FANCA: variants seen among roughly 807,000 people sequenced by gnomAD.
FANCA encodes FA complementation group A, also known as Fanconi anemia group A protein.
A neutral mutation model predicts 194.3 loss-of-function variants in FANCA; 236 were observed. The observed-to-expected ratio is 1.21, with a 90% CI of 1.09 to 1.35. FANCA has a LOEUF of 1.35. FANCA is among the 40% of genes most tolerant of loss of function. The probability of loss-of-function intolerance (pLI) is 0.00; values close to 1 mark genes in which losing one functional copy is unlikely to be tolerated. For missense variants in FANCA, 2,628 were observed against 1,813.9 expected, an observed-to-expected ratio of 1.45 and a Z score of -8.15; for synonymous variants, 1,014 against 715.8, an observed-to-expected ratio of 1.42 and a Z score of -6.65.
Position 89,752,192 on chromosome 16 carries a change from A to G in FANCA, c.3012T>C (p.Ser1004=), listed in dbSNP as rs1246274568. Residue 1004 remains serine (S), a synonymous_variant, in exon 31 of 43, where the codon TCT becomes TCC. Coordinates refer to ENST00000389301, the MANE Select transcript of FANCA (RefSeq NM_000135.4). ...SSRSYDHSEN[S]DLVFGGRTGN... is the part of the protein sequence containing the mutation. ...CTGTGCGGCCACCAAAGACCAAATC[A>G]GAATTTTCTGAGTGGTCATAACTCC... 6.2e-7 allele frequency: 1 copy of G among 1,614,174 alleles called. No homozygotes were observed. The highest frequency in any genetic ancestry group is 2.2e-5 in the East Asian group (1 of 44,892).
In FANCA at chr16:89,807,417, G is replaced by A. The variant is rs1203196667; in HGVS notation, c.596+877C>T. Among the ~76,000 whole-genome samples, 6 of 151,774 alleles carry A rather than the reference G, an allele frequency of 4.0e-5. No homozygotes were observed. In the South Asian group the frequency reaches 1.0e-3, roughly 26 times the overall value. Reference sequence around the variant, plus strand: ...TGCAGCGAGCCCAGATCTCACCACTGCACTCCAGCCTGGCGACATAGCAGG... The same window carrying A: ...TGCAGCGAGCCCAGATCTCACCACTACACTCCAGCCTGGCGACATAGCAGG... On this transcript the variant is annotated intron_variant, in intron 6 of 42. Transcript: ENST00000389301.
At chr16:89,749,630 G>A in intron 32 of FANCA, 100 bp downstream of exon 32, 1 of 1,433,728 alleles carries the variant, frequency 7.0e-7, no homozygotes, top group Non-Finnish European at 9.6e-7. Flanking sequence ...AGACAAGTAA[G>A]TAACGGGAAA....
intron 30 of FANCA, 87 bp downstream of exon 30, chr16:89,758,490 G>A: frequency 1.3e-6 from 2 of 1,524,200 alleles, no homozygotes; most frequent in African/African-American, 1.4e-5. Flanking sequence ...AATTAGATGG[G>A]CACCAGCATG....
At position 89,758,684 on chromosome 16, in the gene FANCA, C is replaced by T. The variant is rs199916178; in HGVS notation, c.2874G>A (p.Ala958=). The change falls in exon 30 of 43, where the codon GCG becomes GCA. Residue 958 remains alanine, a synonymous_variant. Transcript: ENST00000389301. ...DTERQDFHQW[A]IHEHFLPESS... ...ACTCAGGGAGAAAGTGCTCATGGAT[C>T]GCCCACTGGTGGAAGTCCTGCCTAG... The T allele has an allele frequency of 5.6e-6, 9 of 1,613,896 alleles. No homozygotes were observed. The Admixed American group carries it at 8.3e-5, about 15-fold the overall frequency.
chr16:89,774,644 G>A (rs1316684682), intron 21 of FANCA, among the ~76,000 whole-genome samples: 1 of 148,336 alleles, frequency 6.7e-6, no homozygotes, highest in Non-Finnish European at 1.5e-5. Context: ...GCAGGAGAAT[G>A]GCATGAACCT....
At position 89,752,216 on chromosome 16, in the gene FANCA, CCTT is replaced by C; in HGVS notation, c.2985_2987del (p.Arg996del). ...CAGAATTTTCTGAGTGGTCATAACT[CCTT>C]GAGCTGAAATGAAAATACAATAAAA... On this transcript the variant is annotated inframe_deletion, in exon 31 of 43. Coordinates refer to ENST00000389301, the MANE Select transcript of FANCA (RefSeq NM_000135.4). 6.2e-7 allele frequency: 1 copy of C among 1,613,462 alleles called. No individual in the cohort carries two copies.
intron 13 of FANCA, 138 bp downstream of exon 13, chr16:89,791,789 T>C: frequency 8.7e-7 from 1 of 1,155,350 alleles, no homozygotes. Context: ...GAATGTTCCA[T>C]CGACAGGAGG....
intron 20 of FANCA, among the ~76,000 whole-genome samples, chr16:89,777,726 C>A (rs761248787): frequency 6.6e-6 from 1 of 152,020 alleles, no homozygotes. Context: ...TGTAAGTGAT[C>A]CAAGGATACC....
At chr16:89,743,212 T>G (rs1033184153) in intron 36 of FANCA, among the ~76,000 whole-genome samples, 2 of 152,212 alleles carry the variant, frequency 1.3e-5, no homozygotes, top group African/African-American at 4.8e-5. Context: ...TGCCCTGTGC[T>G]CTTGGGCCCC....
intron 17 of FANCA, among the ~76,000 whole-genome samples, chr16:89,780,846 T>C (rs1396682608): frequency 6.6e-6 from 1 of 151,560 alleles, no homozygotes; most frequent in East Asian, 1.9e-4. Context: ...GAGAAGATCG[T>C]TTCAACCTAG....
intron 6 of FANCA, among the ~76,000 whole-genome samples, chr16:89,805,756 T>G (rs752757465): frequency 7.4e-6 from 1 of 135,366 alleles, no homozygotes; most frequent in Non-Finnish European, 1.5e-5. Flanking sequence ...CTAATTTCCC[T>G]TGTGACTTCT....
intron 32 of FANCA, among the ~76,000 whole-genome samples, chr16:89,749,033 T>C (rs559052651): frequency 7.2e-5 from 11 of 152,184 alleles, no homozygotes; most frequent in Non-Finnish European, 1.6e-4. Context: ...CTTCTGACAG[T>C]TACACGATAA....
At chr16:89,802,850 T>C (rs1157549759) in intron 8 of FANCA, among the ~76,000 whole-genome samples, 1 of 152,148 alleles carries the variant, frequency 6.6e-6, no homozygotes, top group Non-Finnish European at 1.5e-5. Context: ...AAGTGGCTCT[T>C]GTGGAGGTAG....
At position 89,758,654 on chromosome 16, in the gene FANCA, C is replaced by A. The variant is rs568354015; in HGVS notation, c.2904G>T (p.Ser968=). Residue 968 remains serine, a synonymous_variant, in exon 30 of 43, where the codon TCG becomes TCT. Coordinates refer to ENST00000389301, the MANE Select transcript of FANCA (RefSeq NM_000135.4). ...AIHEHFLPES[S]ASGGCDGDLQ... is the part of the protein sequence containing the mutation. ...GGTCTCCGTCACAGCCCCCTGAAGC[C>A]GAGGACTCAGGGAGAAAGTGCTCAT... is the stretch of plus-strand genomic sequence containing the variant. 6 of 1,613,926 alleles carry A rather than the reference C, an allele frequency of 3.7e-6. No homozygotes were observed. In the Admixed American group the frequency reaches 6.7e-5, roughly 18 times the overall value.
Position 89,792,071 on chromosome 16 carries a change from G to A in FANCA, c.1084-3C>T. ...TCTGCACTCAGCATCACAAAGAGCT[G>A]AAATAAAAGCATCCGCTCCCTTCAA... On this transcript the variant is annotated splice_polypyrimidine_tract_variant and splice_region_variant and intron_variant, in intron 12 of 42. Transcript: ENST00000389301. 1 of 1,614,182 alleles carries A rather than the reference G, an allele frequency of 6.2e-7. No homozygotes were observed. Among genetic ancestry groups the A allele is most frequent in the Non-Finnish European group, 8.5e-7 (1 of 1,180,034 alleles).
At chr16:89,794,697 T>C (rs889132490) in intron 11 of FANCA, among the ~76,000 whole-genome samples, 3 of 152,012 alleles carry the variant, frequency 2.0e-5, no homozygotes, top group Non-Finnish European at 4.4e-5. Context: ...CTCCCACCAG[T>C]TTCCTGCCTG....
intron 1 of FANCA, 159 bp from the exon 2 acceptor site, chr16:89,816,145 G>C: frequency 1.5e-6 from 1 of 684,408 alleles, no homozygotes; most frequent in Non-Finnish European, 2.7e-6. Context: ...GAAACTAACG[G>C]AGACGGCCCC....
In FANCA at chr16:89,816,479, G is replaced by A. The variant is rs555019210; in HGVS notation, c.79+58C>T. Reference sequence around the variant, plus strand: ...TCTGGCGGGAAGGGATCGGGGAACCGGCGAAACCGTCCCGGGCCGGACGCC... The same window carrying A: ...TCTGGCGGGAAGGGATCGGGGAACCAGCGAAACCGTCCCGGGCCGGACGCC... On this transcript the variant is annotated intron_variant, in intron 1 of 42. Coordinates refer to ENST00000389301, the MANE Select transcript of FANCA (RefSeq NM_000135.4). 2.8e-3 allele frequency: 3,936 copies of A among 1,409,524 alleles called. 18 individuals are homozygous for A. The highest frequency in any genetic ancestry group is 5.5e-3 in the South Asian group (401 of 72,726). The allele number at this position is 1,409,524 out of a possible 1,614,324, so 87.3% of individuals were successfully genotyped here. A position where few individuals can be genotyped will look rare whatever the true frequency, so the allele number is the denominator to read the frequency against.
intron 33 of FANCA, among the ~76,000 whole-genome samples, chr16:89,747,564 C>T (rs2003520): frequency 0.55 from 83,221 of 151,888 alleles, 25,544 homozygotes; most frequent in East Asian, 0.98. Context: ...CCGGTCATGG[C>T]GGCAGGCACC....
Sources: gnomAD v4.1 joint callset for allele counts (sites outside exome capture counted in the v4.1 genomes callset) on GRCh38, gnomAD v4.1.1 for gene constraint, MANE v1.5 for transcripts, NCBI Gene and HGNC (gene_info 2026-07-23, HGNC 2026-07-21) for gene names.